INPP5F: variants seen among roughly 807,000 people sequenced by gnomAD.
INPP5F encodes phosphatidylinositide 4-phosphatase SAC2.
In INPP5F, 97 loss-of-function variants were observed where a neutral mutation model predicts 137.2. That is an observed-to-expected ratio of 0.71 (90% confidence interval 0.60 to 0.84). The LOEUF is 0.84. Among genes scored for constraint, INPP5F ranks in the 40% least tolerant of loss-of-function variants. The pLI is 0.00. For missense variants in INPP5F, 1,271 were observed against 1,371.9 expected, an observed-to-expected ratio of 0.93 and a Z score of 1.16; for synonymous variants, 504 against 476.9, an observed-to-expected ratio of 1.06 and a Z score of -0.74.
Position 119,726,112 on chromosome 10 carries a change from C to A in INPP5F, c.-151C>A. The stretch of plus-strand genomic sequence containing the variant: ...CGGGGCGCGTTCTCCTCCTACCGGT[C>A]GGGTGCCCCGGGGCGTTCCCTCTGC... On this transcript the variant is annotated 5_prime_UTR_variant, in exon 1 of 20. Transcript: ENST00000650623. 2.5e-6 allele frequency: 1 copy of A among 402,468 alleles called. No homozygotes were observed. The highest frequency in any genetic ancestry group is 6.4e-5 in the South Asian group (1 of 15,510). 24.9% of individuals were successfully genotyped at this position (402,468 alleles called of 1,614,324 possible).
At chr10:119,730,067 C>T (rs140100610) in intron 1 of INPP5F, among the ~76,000 whole-genome samples, 133 of 151,638 alleles carry the variant, frequency 8.8e-4, no homozygotes, top group African/African-American at 3.0e-3. Flanking sequence ...TGCTTAGATG[C>T]TTATGTCTGT....
intron 1 of INPP5F, 55 bp downstream of exon 1, chr10:119,726,414 G>A: frequency 9.5e-7 from 1 of 1,055,262 alleles, no homozygotes; most frequent in Non-Finnish European, 1.2e-6. Flanking sequence ...GGAGAGGAGG[G>A]GGCGCGGCCG....
chr10:119,805,474 C>T lies in INPP5F; in HGVS notation c.1319+13C>T. On this transcript the variant is annotated intron_variant, in intron 11 of 19. Coordinates refer to ENST00000650623, the MANE Select transcript of INPP5F (RefSeq NM_014937.4). ...TGAAGTGGTGTTGGTAAGTATTTTA[C>T]AAGAACTCCTTTTTACAGACTCTGG... The T allele has an allele frequency of 6.4e-7, 1 of 1,552,814 alleles. No individual in the cohort carries two copies. The highest frequency in any genetic ancestry group is 1.7e-4 in the Middle Eastern group (1 of 5,942).
At chr10:119,809,742 G>A (rs1379708022) in intron 13 of INPP5F, among the ~76,000 whole-genome samples, 1 of 152,118 alleles carries the variant, frequency 6.6e-6, no homozygotes, top group African/African-American at 2.4e-5. Context: ...AGAAACATCG[G>A]TTTTTGAATA....
intron 1 of INPP5F, 40 bp downstream of exon 1, chr10:119,726,399 G>A: frequency 8.5e-7 from 1 of 1,179,542 alleles, no homozygotes; most frequent in South Asian, 3.0e-5. Context: ...CCCGGGCCAG[G>A]GCGGGGAGAG....
intron 2 of INPP5F, among the ~76,000 whole-genome samples, chr10:119,760,176 T>G (rs113857184): frequency 6.6e-6 from 1 of 152,204 alleles, no homozygotes; most frequent in African/African-American, 2.4e-5. Flanking sequence ...GCTATTCCAC[T>G]CTCATTCCTT....
intron 2 of INPP5F, among the ~76,000 whole-genome samples, chr10:119,755,572 A>G (rs1343329335): frequency 6.6e-6 from 1 of 152,194 alleles, no homozygotes; most frequent in East Asian, 1.9e-4. Context: ...AACGGAACAT[A>G]ATGTCCACCA....
chr10:119,780,123 CATG>C (rs1376403070), intron 2 of INPP5F, among the ~76,000 whole-genome samples: 2 of 152,126 alleles, frequency 1.3e-5, no homozygotes, highest in African/African-American at 4.8e-5. Flanking sequence ...TTTTCAGCTC[CATG>C]ATAATTTTAA....
intron 14 of INPP5F, among the ~76,000 whole-genome samples, chr10:119,811,089 G>T (rs1851011048): frequency 6.6e-6 from 1 of 152,150 alleles, no homozygotes; most frequent in African/African-American, 2.4e-5. Context: ...CGTTGACCTA[G>T]CTACTCAGTT....
rs1363808432 is a variant in INPP5F at position 119,806,612 on chromosome 10, T to C, written c.1440+132T>C. On this transcript the variant is annotated intron_variant, in intron 12 of 19. Transcript: ENST00000650623. ...CATTTACAATATACAAACACCCTTG[T>C]TGCATTAAAATCTGGAAAGCACAAC... is the stretch of plus-strand genomic sequence containing the variant. 1.5e-5 allele frequency: 12 copies of C among 795,272 alleles called. No individual in the cohort carries two copies. In the East Asian group the frequency reaches 2.8e-4, roughly 19 times the overall value. 49.3% of individuals were successfully genotyped at this position (795,272 alleles called of 1,614,324 possible). A position where few individuals can be genotyped will look rare whatever the true frequency, so the allele number is the denominator to read the frequency against.
In INPP5F at chr10:119,798,607, A is replaced by C. The variant is rs760802431; in HGVS notation, c.1113A>C (p.Lys371Asn). ...AAGAACAACTGAACATTTACAAAAAACAGGTGGGCTTTGATTTACAGTAGT... is the reference window on the plus strand; with the variant it reads ...AAGAACAACTGAACATTTACAAAAACCAGGTGGGCTTTGATTTACAGTAGT... ...HFEEQLNIYKKQVIINLVDQA... is the reference protein window; with the variant it reads ...HFEEQLNIYKNQVIINLVDQA... The change falls in exon 9 of 20, where the codon AAA (lysine) becomes AAC (asparagine). Residue 371 changes from lysine (K) to asparagine (N), a missense_variant. Transcript: ENST00000650623. 5 of 1,609,234 alleles carry C rather than the reference A, an allele frequency of 3.1e-6. No homozygotes were observed. The East Asian group carries it at 1.1e-4, about 36-fold the overall frequency.
chr10:119,733,535 T>TA (rs1848145044), intron 1 of INPP5F, among the ~76,000 whole-genome samples: 1 of 152,186 alleles, frequency 6.6e-6, no homozygotes, highest in South Asian at 2.1e-4. Context: ...TCCAATTTCA[T>TA]AGACATCCTT....
At chr10:119,767,056 G>A (rs1246047391) in intron 2 of INPP5F, among the ~76,000 whole-genome samples, 1 of 124,800 alleles carries the variant, frequency 8.0e-6, no homozygotes, top group African/African-American at 3.0e-5. Flanking sequence ...AGTGAGCTGA[G>A]ATCATGCCAC....
chr10:119,769,974 T>A (rs72826413), intron 2 of INPP5F, among the ~76,000 whole-genome samples: 1 of 134,992 alleles, frequency 7.4e-6, no homozygotes, highest in African/African-American at 2.7e-5. Flanking sequence ...AGGAGAAAAA[T>A]TTTTTTTTCT....
intron 1 of INPP5F, among the ~76,000 whole-genome samples, chr10:119,726,927 C>A (rs1847912513): frequency 6.6e-6 from 1 of 152,106 alleles, no homozygotes; most frequent in Non-Finnish European, 1.5e-5. Flanking sequence ...AATACCACAG[C>A]ACAATTAAAT....
Position 119,823,068 on chromosome 10 carries a change from T to C in INPP5F, c.2033-3T>C, listed in dbSNP as rs759554122. On this transcript the variant is annotated splice_region_variant and splice_polypyrimidine_tract_variant and intron_variant, in intron 17 of 19. Transcript: ENST00000650623. ...CTTTATACGTATTCATTTGGGATTTTAGGCCCTGAACCCACTCTTTTTGGT... is the reference window on the plus strand; with the variant it reads ...CTTTATACGTATTCATTTGGGATTTCAGGCCCTGAACCCACTCTTTTTGGT... The C allele has an allele frequency of 1.8e-5, 29 of 1,606,622 alleles. No homozygotes were observed. The East Asian group carries it at 6.5e-4, about 36-fold the overall frequency.
chr10:119,740,551 C>CT (rs935426056), intron 1 of INPP5F, among the ~76,000 whole-genome samples: 7 of 151,300 alleles, frequency 4.6e-5, no homozygotes, highest in East Asian at 1.9e-4. Flanking sequence ...ATACTTTTTT[C>CT]TTTTTTTTTG....
chr10:119,744,318 T>C (rs542140779), intron 1 of INPP5F, among the ~76,000 whole-genome samples: 1 of 152,278 alleles, frequency 6.6e-6, no homozygotes, highest in Non-Finnish European at 1.5e-5. Context: ...TTATCCTCCA[T>C]CCTTCCCCTT....
At chr10:119,824,604 C>G (rs1851692759) in intron 19 of INPP5F, among the ~76,000 whole-genome samples, 1 of 152,176 alleles carries the variant, frequency 6.6e-6, no homozygotes. Flanking sequence ...GGATTCTGCA[C>G]TGCAAACTTT....
Sources: allele counts gnomAD v4.1 joint callset (sites outside exome capture counted in the v4.1 genomes callset), GRCh38; gene constraint gnomAD v4.1.1; transcripts MANE v1.5; gene names NCBI Gene and HGNC (gene_info 2026-07-23, HGNC 2026-07-21).